The following AGO3 variants were observed in gnomAD, a reference collection of about 807,000 sequenced individuals.
AGO3 encodes the protein argonaute RISC catalytic component 3.
A neutral mutation model predicts 105.5 loss-of-function variants in AGO3; 16 were observed. The observed-to-expected ratio is 0.15, with a 90% CI of 0.10 to 0.23. The LOEUF is 0.23. Ranked by LOEUF, AGO3 falls within the 10% of genes least tolerant of loss-of-function variation. AGO3 has a pLI of 1.00. For missense variants in AGO3, 534 were observed against 1,088.0 expected (o/e 0.49, Z 7.16); for synonymous variants, 340 against 367.3 (o/e 0.93, Z 0.85).
At chr1:36,028,243 T>C (rs1173866869) in intron 12 of AGO3, among the ~76,000 whole-genome samples, 1 of 151,950 alleles carries the variant, frequency 6.6e-6, no homozygotes, top group Non-Finnish European at 1.5e-5. Context: ...TTTGTATTTA[T>C]TTATTTATTT....
chr1:35,998,248 G>A (rs532342755), intron 5 of AGO3, among the ~76,000 whole-genome samples: 2 of 152,136 alleles, frequency 1.3e-5, no homozygotes, highest in South Asian at 4.2e-4. Flanking sequence ...TTAATTATAT[G>A]AGTATAGTAC....
chr1:36,020,994 A>G (rs753287919), intron 11 of AGO3, among the ~76,000 whole-genome samples: 1 of 151,790 alleles, frequency 6.6e-6, no homozygotes. Context: ...ATGCAGTGGC[A>G]CAATCTCGGC....
rs182284945 is a variant in AGO3, at chr1:36,043,167, T to A, written c.2173-280T>A. ...GCACTTTAAGTTAATTTAAAAAAAA[T>A]TTTTTTTAGTGTCTTCCACCCATAG... On this transcript the variant is annotated intron_variant, in intron 16 of 18. Coordinates refer to ENST00000373191, the MANE Select transcript of AGO3 (RefSeq NM_024852.4). 4.5e-3 allele frequency: 1,277 copies of A among 282,560 alleles called. 5 individuals are homozygous for A. The highest frequency in any genetic ancestry group is 4.2e-3 in the Non-Finnish European group (649 of 153,846). The allele number at this position is 282,560 out of a possible 1,614,324, so 17.5% of individuals were successfully genotyped here. A position where few individuals can be genotyped will look rare whatever the true frequency, so the allele number is the denominator to read the frequency against.
At position 35,958,470 on chromosome 1, in the gene AGO3, G is replaced by A. The variant is rs375689946; in HGVS notation, c.192-8485G>A. On this transcript the variant is annotated intron_variant, in intron 2 of 18. Transcript: ENST00000373191. Reference sequence around the variant, plus strand: ...GATCTCAGGAGTTCAAGACCAGCCTGGGCAACATGATGAAACTCTGTCTCT... The same window carrying A: ...GATCTCAGGAGTTCAAGACCAGCCTAGGCAACATGATGAAACTCTGTCTCT... Among the ~76,000 whole-genome samples the A allele has an allele frequency of 1.7e-3, 260 of 152,180 alleles. 7 individuals are homozygous for A. The South Asian group carries it at 0.05, about 29-fold the overall frequency.
At chr1:35,953,759 G>A (rs1646515758) in intron 2 of AGO3, among the ~76,000 whole-genome samples, 4 of 152,036 alleles carry the variant, frequency 2.6e-5, no homozygotes, top group African/African-American at 4.8e-5. Flanking sequence ...TGATTCACCC[G>A]CCTCACCCTT....
intron 11 of AGO3, among the ~76,000 whole-genome samples, chr1:36,024,755 C>T (rs776913348): frequency 6.6e-6 from 1 of 152,134 alleles, no homozygotes; most frequent in Non-Finnish European, 1.5e-5. Flanking sequence ...GTGATCTCGG[C>T]TCACTGCAAC....
At chr1:35,944,111 G>T (rs1204251915) in intron 1 of AGO3, among the ~76,000 whole-genome samples, 1 of 152,146 alleles carries the variant, frequency 6.6e-6, no homozygotes, top group Non-Finnish European at 1.5e-5. Context: ...CCCAGAAGTA[G>T]AATTGCTAGA....
intron 10 of AGO3, 75 bp from the exon 11 acceptor site, chr1:36,013,840 A>G: frequency 6.2e-7 from 1 of 1,601,290 alleles, no homozygotes; most frequent in Non-Finnish European, 8.5e-7. Context: ...CAATTCAGCG[A>G]TTTGAAATGT....
At chr1:35,987,717 T>C (rs1258102459) in intron 5 of AGO3, among the ~76,000 whole-genome samples, 1 of 150,990 alleles carries the variant, frequency 6.6e-6, no homozygotes, top group Admixed American at 6.6e-5. Flanking sequence ...AGTATGTTTA[T>C]GTGAGCAAAG....
chr1:36,045,723 A>G (rs972261808), intron 17 of AGO3, among the ~76,000 whole-genome samples: 7 of 151,956 alleles, frequency 4.6e-5, no homozygotes, highest in African/African-American at 1.5e-4. Flanking sequence ...TTATATTTTT[A>G]GTAGAGATGA....
chr1:36,055,593 G>C lies in AGO3; in HGVS notation c.2475-44G>C. ...AGTATTTTTCGGAATTATTACATCA[G>C]AATAGAAAGTTTGTTTTTGTGTTCA... On this transcript the variant is annotated intron_variant, in intron 18 of 18. Transcript: ENST00000373191. The surrounding 1 kb of genome is among the most constrained non-coding windows in gnomAD (Gnocchi z 4.4). 6.4e-7 allele frequency: 1 copy of C among 1,559,162 alleles called. No homozygotes were observed. Among genetic ancestry groups the C allele is most frequent in the South Asian group, 1.1e-5 (1 of 89,018 alleles).
intron 5 of AGO3, among the ~76,000 whole-genome samples, chr1:35,985,048 T>C (rs1485036413): frequency 6.6e-6 from 1 of 152,136 alleles, no homozygotes; most frequent in Non-Finnish European, 1.5e-5. Context: ...TTCCAGCACA[T>C]TGGGAGGCCA....
chr1:35,997,285 A>AAAAG (rs370797204), intron 5 of AGO3, among the ~76,000 whole-genome samples: 2 of 152,172 alleles, frequency 1.3e-5, no homozygotes, highest in Non-Finnish European at 2.9e-5. Context: ...TCTCAGCAAA[A>AAAAG]AAAGAAAGAA....
chr1:36,024,366 G>C (rs551222845), intron 11 of AGO3, among the ~76,000 whole-genome samples: 2 of 152,068 alleles, frequency 1.3e-5, no homozygotes, highest in Admixed American at 1.3e-4. Flanking sequence ...CGAACTCCTG[G>C]ACTTAAGCAG....
At chr1:35,949,253 T>C (rs1368924046) in intron 2 of AGO3, among the ~76,000 whole-genome samples, 2 of 152,226 alleles carry the variant, frequency 1.3e-5, no homozygotes, top group African/African-American at 4.8e-5. Context: ...CAAGTTTTTA[T>C]AGGAACTGTA....
intron 5 of AGO3, among the ~76,000 whole-genome samples, chr1:35,977,297 A>G (rs1468502425): frequency 6.7e-6 from 1 of 149,454 alleles, no homozygotes; most frequent in African/African-American, 2.5e-5. Flanking sequence ...GTTTAGGTTC[A>G]CTTTTGGTAG....
At chr1:35,950,885 A>G (rs1209455825) in intron 2 of AGO3, among the ~76,000 whole-genome samples, 2 of 152,314 alleles carry the variant, frequency 1.3e-5, no homozygotes, top group East Asian at 3.9e-4. Flanking sequence ...TATAACTGCA[A>G]TATCTATTTT....
At position 36,061,506 on chromosome 1, in the gene AGO3, A is replaced by G. The variant is rs1212875409; in HGVS notation, c.*5761A>G. ...TTTAATTTGAATTAAAGATAGAAGGATGGTAAATTCAATATAGAGGGTTGA... is the reference window on the plus strand; with the variant it reads ...TTTAATTTGAATTAAAGATAGAAGGGTGGTAAATTCAATATAGAGGGTTGA... On this transcript the variant is annotated 3_prime_UTR_variant, in exon 19 of 19. Coordinates refer to ENST00000373191, the MANE Select transcript of AGO3 (RefSeq NM_024852.4). The G allele has an allele frequency of 6.6e-6, 1 of 152,348 alleles. No homozygotes were observed. The highest frequency in any genetic ancestry group is 2.1e-4 in the South Asian group (1 of 4,834). 9.4% of individuals were successfully genotyped at this position (152,348 alleles called of 1,614,324 possible). A position where few individuals can be genotyped will look rare whatever the true frequency, so the allele number is the denominator to read the frequency against.
intron 17 of AGO3, among the ~76,000 whole-genome samples, chr1:36,046,982 C>T (rs758866497): frequency 3.9e-5 from 6 of 152,116 alleles, no homozygotes; most frequent in Non-Finnish European, 5.9e-5. Flanking sequence ...CAGTGGCTCA[C>T]GCCTGTAATC....
Sources: gnomAD v4.1 joint callset for allele counts (sites outside exome capture counted in the v4.1 genomes callset) on GRCh38, gnomAD v4.1.1 for gene constraint, Gnocchi (gnomAD v3.1) non-coding constraint, MANE v1.5 for transcripts, NCBI Gene and HGNC (gene_info 2026-07-23, HGNC 2026-07-21) for gene names.